Variants in DIXDC1 observed in about 807,000 individuals in gnomAD.
DIXDC1 encodes the protein DIX domain containing 1, also known as dixin.
Under a neutral mutation model 103.1 loss-of-function variants are expected in DIXDC1, and 64 were observed. The ratio of observed to expected loss-of-function variants is 0.62; its 90% confidence interval spans 0.51 to 0.76. The LOEUF (loss-of-function observed/expected upper bound fraction) is 0.76. Ranked by LOEUF, DIXDC1 falls within the 30% of genes least tolerant of loss-of-function variation. DIXDC1 has a pLI of 0.00. For missense variants in DIXDC1, 759 were observed against 834.2 expected, an observed-to-expected ratio of 0.91 and a Z score of 1.11; for synonymous variants, 266 against 298.5, an observed-to-expected ratio of 0.89 and a Z score of 1.12.
At position 111,993,483 on chromosome 11, in the gene DIXDC1, A is replaced by G. The variant is rs1860774569; in HGVS notation, c.1273-13A>G. On this transcript the variant is annotated splice_polypyrimidine_tract_variant and intron_variant, in intron 12 of 19. Coordinates refer to ENST00000440460, the MANE Select transcript of DIXDC1 (RefSeq NM_001037954.4). ...GTTTTGCCGCTCATCTTAAAGCTCT[A>G]TCTTTATTGCAGAAAGAGCTGGGGC... 6.2e-7 allele frequency: 1 copy of G among 1,613,796 alleles called. No individual in the cohort carries two copies.
chr11:111,932,343 C>A (rs1463186255), upstream of DIXDC1, among the ~76,000 whole-genome samples: 1 of 151,382 alleles, frequency 6.6e-6, no homozygotes, highest in Non-Finnish European at 1.5e-5. Context: ...TGGCCACTGG[C>A]AGATAACTTT....
At chr11:111,964,206 T>A (rs1859656706) in intron 1 of DIXDC1, among the ~76,000 whole-genome samples, 1 of 152,230 alleles carries the variant, frequency 6.6e-6, no homozygotes. Flanking sequence ...GAAAACTGGC[T>A]GTGGTTCTGG....
chr11:111,989,363 G>A (rs910696029), intron 10 of DIXDC1, among the ~76,000 whole-genome samples: 1 of 152,064 alleles, frequency 6.6e-6, no homozygotes, highest in Non-Finnish European at 1.5e-5. Flanking sequence ...GGTGGCTCAC[G>A]CCTGTAATCC....
chr11:111,954,944 C>A (rs1288921701), intron 1 of DIXDC1, among the ~76,000 whole-genome samples: 4 of 151,982 alleles, frequency 2.6e-5, no homozygotes, highest in African/African-American at 9.7e-5. Context: ...TATATATATA[C>A]ATTCCATACA....
At chr11:111,951,447 TGAA>T (rs782194426) in intron 1 of DIXDC1, among the ~76,000 whole-genome samples, 18 of 152,002 alleles carry the variant, frequency 1.2e-4, no homozygotes, top group Non-Finnish European at 2.2e-4. Flanking sequence ...AAAAAGAAAA[TGAA>T]GACTTTCCTA....
intron 16 of DIXDC1, among the ~76,000 whole-genome samples, 178 bp downstream of exon 16, chr11:111,995,742 C>T (rs182470858): frequency 2.7e-4 from 41 of 151,086 alleles, no homozygotes; most frequent in African/African-American, 8.2e-4. Flanking sequence ...GTATGACAAT[C>T]CAGAGAAGAA....
chr11:111,938,434 C>T (rs1966295757), intron 1 of DIXDC1, among the ~76,000 whole-genome samples: 1 of 152,196 alleles, frequency 6.6e-6, no homozygotes, highest in Non-Finnish European at 1.5e-5. Context: ...TCATTTCTCT[C>T]TCGCTCCTTT....
chr11:111,930,985 C>T (rs1389343838), intron 2 of DIXDC1, among the ~76,000 whole-genome samples: 2 of 151,528 alleles, frequency 1.3e-5, no homozygotes, highest in Non-Finnish European at 2.9e-5. Context: ...TCCCGAGCAG[C>T]TGGGATTACC....
In DIXDC1 at chr11:112,019,240, A is replaced by G. The variant is rs1861685203; in HGVS notation, c.*204A>G. 9.0e-6 allele frequency: 4 copies of G among 445,184 alleles called. No homozygotes were observed. In the Middle Eastern group the frequency reaches 1.9e-3, roughly 213 times the overall value. 27.6% of individuals were successfully genotyped at this position (445,184 alleles called of 1,614,324 possible). ...TTAAAATTCTGTCCAAATGTAGACC[A>G]TGGGTTCATCTGGAGTTCCTTGTCC... On this transcript the variant is annotated 3_prime_UTR_variant, in exon 20 of 20. Transcript: ENST00000440460.
At position 112,019,050 on chromosome 11, in the gene DIXDC1, A is replaced by T. The variant is rs1321264456; in HGVS notation, c.*14A>T. The T allele has an allele frequency of 2.5e-6, 4 of 1,610,062 alleles. No individual in the cohort carries two copies. Among genetic ancestry groups the T allele is most frequent in the Non-Finnish European group, 3.4e-6 (4 of 1,176,874 alleles). The stretch of plus-strand genomic sequence containing the variant: ...GGAGAGAATTAATGCCAAGTATCAG[A>T]TTGAGGGCTTATGGAACCTGGTCAC... On this transcript the variant is annotated 3_prime_UTR_variant, in exon 20 of 20. Transcript: ENST00000440460.
At chr11:111,973,993 G>A (rs781850337) in intron 3 of DIXDC1, 30 bp from the exon 4 acceptor site, 2 of 1,610,186 alleles carry the variant, frequency 1.2e-6, no homozygotes, top group Non-Finnish European at 1.7e-6. Context: ...CTCTTGGTCT[G>A]TTTTATTCTT....
intron 17 of DIXDC1, among the ~76,000 whole-genome samples, chr11:112,013,321 T>TGGA (rs1555177392): frequency 2.0e-3 from 71 of 35,706 alleles, no homozygotes; most frequent in African/African-American, 6.2e-3. Context: ...GGTCGGGGGG[T>TGGA]GGGGGTGGGG....
intron 17 of DIXDC1, among the ~76,000 whole-genome samples, chr11:112,013,321 T>TGGGGGGGGGGGGGGGGGGGGGGGG (rs1403269609): frequency 2.8e-5 from 1 of 35,708 alleles, no homozygotes. Flanking sequence ...GGTCGGGGGG[T>TGGGGGGGGGGGGGGGGGGGGGGGG]GGGGGTGGGG....
Position 111,974,250 on chromosome 11 carries a change from CAG to C in DIXDC1, c.547_548del (p.Arg183GlufsTer6). On this transcript the variant is annotated frameshift_variant and splice_region_variant, in exon 4 of 20. Transcript: ENST00000440460. LOFTEE classifies it high-confidence loss of function. Reference protein sequence around the residue: ...RSGRDVFRYRQRNSSMDEEIE... With the variant: ...RSGRDVFRYRXRNSSMDEEIE... The stretch of plus-strand genomic sequence containing the variant: ...AGGACGGGATGTCTTTCGATATAGA[CAG>C]AGGTAAGGGTAGAAATCTGGGGGTG... 1 of 1,612,280 alleles carries C rather than the reference CAG, an allele frequency of 6.2e-7. No homozygotes were observed. The highest frequency in any genetic ancestry group is 8.5e-7 in the Non-Finnish European group (1 of 1,179,234).
At chr11:111,986,778 GCAT>G (rs1555173891) in intron 8 of DIXDC1, 90 bp from the exon 9 acceptor site, 2 of 1,100,240 alleles carry the variant, frequency 1.8e-6, no homozygotes, top group Non-Finnish European at 2.7e-6. Flanking sequence ...TACAGAGCTG[GCAT>G]CTAGTAGTGC....
rs1227754012 is a variant in DIXDC1 at position 111,993,560 on chromosome 11, G to A, written c.1337G>A (p.Arg446Gln). ...CAGGCCAAGTTAGAAGAAGCACTCC[G>A]GAAACTCTCTGATGTCAGTTACCAC... Reference protein sequence around the residue: ...QHQAKLEEALRKLSDVSYHQV... With the variant: ...QHQAKLEEALQKLSDVSYHQV... The change falls in exon 13 of 20, where the codon CGG becomes CAG. Residue 446 changes from arginine (R) to glutamine (Q), a missense_variant. Physicochemically the swap from Arg to Gln is conservative, Grantham distance 43. Around this residue, in one of 3 missense-constraint regions of DIXDC1, gnomAD observed 657 missense variants for 727.5 expected, o/e 0.90. Transcript: ENST00000440460. 3.7e-6 allele frequency: 6 copies of A among 1,613,970 alleles called. No individual in the cohort carries two copies. The highest frequency in any genetic ancestry group is 2.2e-5 in the East Asian group (1 of 44,886).
chr11:111,992,313 A>G (rs1460577277), intron 10 of DIXDC1, 102 bp from the exon 11 acceptor site: 3 of 1,068,078 alleles, frequency 2.8e-6, no homozygotes, highest in East Asian at 2.6e-5. Context: ...CCAGTCTGCC[A>G]TAACGAATGC....
At chr11:111,955,046 C>A (rs1296160085) in intron 1 of DIXDC1, among the ~76,000 whole-genome samples, 1 of 151,928 alleles carries the variant, frequency 6.6e-6, no homozygotes, top group African/African-American at 2.4e-5. Flanking sequence ...TAGAATATTA[C>A]CTCGGTAGCA....
Position 111,993,706 on chromosome 11 carries a change from T to A in DIXDC1, c.1403T>A (p.Leu468His). ...LERELEHKDV[L>H]LAHCMKREAD... ...CGAGAGCTAGAACACAAAGATGTCCTCTTGGCTCACTGTATGAAAAGAGAG... is the reference window on the plus strand; with the variant it reads ...CGAGAGCTAGAACACAAAGATGTCCACTTGGCTCACTGTATGAAAAGAGAG... Residue 468 changes from leucine to histidine, a missense_variant, in exon 14 of 20, where the codon CTC (leucine) becomes CAC (histidine). This residue lies in a region of DIXDC1 where 657 missense variants were observed against 727.5 expected (regional missense o/e 0.90). Coordinates refer to ENST00000440460, the MANE Select transcript of DIXDC1 (RefSeq NM_001037954.4). 6.2e-7 allele frequency: 1 copy of A among 1,614,042 alleles called. No homozygotes were observed. The highest frequency in any genetic ancestry group is 8.5e-7 in the Non-Finnish European group (1 of 1,179,894).
Sources: gnomAD v4.1 joint callset for allele counts (sites outside exome capture counted in the v4.1 genomes callset) on GRCh38, gnomAD v4.1.1 for gene constraint, gnomAD v4.1.1 regional missense constraint, MANE v1.5 for transcripts, NCBI Gene and HGNC (gene_info 2026-07-23, HGNC 2026-07-21) for gene names.